Variants in WDR7 observed in about 807,000 individuals in gnomAD.
WDR7 encodes WD repeat domain 7.
In WDR7, 46 loss-of-function variants were observed where a neutral mutation model predicts 169.4. The ratio of observed to expected loss-of-function variants is 0.27; its 90% CI spans 0.21 to 0.35. The LOEUF (loss-of-function observed/expected upper bound fraction) is 0.35. Among genes scored for constraint, WDR7 ranks in the 10% least tolerant of loss-of-function variants. WDR7 has a pLI of 1.00. For synonymous variants in WDR7, 612 were observed against 666.8 expected, an observed-to-expected ratio of 0.92 and a Z score of 1.27; for missense variants, 1,534 against 1,859.3, an observed-to-expected ratio of 0.83 and a Z score of 3.22.
At chr18:56,852,619 G>C (rs1323554755) in intron 20 of WDR7, among the ~76,000 whole-genome samples, 1 of 152,032 alleles carries the variant, frequency 6.6e-6, no homozygotes, top group Non-Finnish European at 1.5e-5. Flanking sequence ...CATATTGTCA[G>C]AATACTCAAA....
intron 14 of WDR7, among the ~76,000 whole-genome samples, chr18:56,732,628 T>G (rs2026612160): frequency 6.6e-6 from 1 of 152,222 alleles, no homozygotes; most frequent in South Asian, 2.1e-4. Context: ...TCCCTCAAGA[T>G]ATAAATGTTT....
chr18:56,822,487 T>C (rs1010249699), intron 20 of WDR7, among the ~76,000 whole-genome samples: 2 of 152,238 alleles, frequency 1.3e-5, no homozygotes, highest in Non-Finnish European at 2.9e-5. Flanking sequence ...AAATTTACCC[T>C]GTTAAAGTAC....
At chr18:57,001,590 G>A (rs2047980225) in intron 26 of WDR7, among the ~76,000 whole-genome samples, 2 of 152,112 alleles carry the variant, frequency 1.3e-5, no homozygotes, top group Admixed American at 1.3e-4. Flanking sequence ...CTTGTTTTAA[G>A]TGCACAGTTT....
chr18:56,871,376 T>C (rs995659805), intron 20 of WDR7, among the ~76,000 whole-genome samples: 1 of 152,200 alleles, frequency 6.6e-6, no homozygotes, highest in African/African-American at 2.4e-5. Context: ...TCTCTACATG[T>C]TGCCATTTAG....
At position 56,714,439 on chromosome 18, in the gene WDR7, C is replaced by T. The variant is rs2026148062; in HGVS notation, c.1579-3525C>T. Among the ~76,000 whole-genome samples, 5 of 146,942 alleles carry T rather than the reference C, an allele frequency of 3.4e-5. No individual in the cohort carries two copies. The South Asian group carries it at 8.6e-4, about 25-fold the overall frequency. On this transcript the variant is annotated intron_variant, in intron 12 of 27. Transcript: ENST00000254442. Reference sequence around the variant, plus strand: ...GATGGTATATCATGTTTACTTTGGACGAAACTTTTTTTTTTTTTTTTTTGA... The same window carrying T: ...GATGGTATATCATGTTTACTTTGGATGAAACTTTTTTTTTTTTTTTTTTGA...
chr18:56,900,064 ATGTG>A (rs3045243), intron 21 of WDR7, among the ~76,000 whole-genome samples: 1,929 of 137,802 alleles, frequency 0.014, 15 homozygotes, highest in Middle Eastern at 0.037. Flanking sequence ...ACATATATAT[ATGTG>A]TGTGTGTGTG....
intron 26 of WDR7, chr18:57,010,186 T>C: frequency 1.0e-6 from 1 of 985,456 alleles, no homozygotes; most frequent in Non-Finnish European, 1.2e-6. Flanking sequence ...TCAAATAGTT[T>C]TCTATTAGAA....
At chr18:56,823,261 G>GTAGA (rs1290091156) in intron 20 of WDR7, among the ~76,000 whole-genome samples, 1 of 152,024 alleles carries the variant, frequency 6.6e-6, no homozygotes, top group Non-Finnish European at 1.5e-5. Flanking sequence ...TGAATGTCCT[G>GTAGA]TAGATACCTA....
intron 13 of WDR7, among the ~76,000 whole-genome samples, chr18:56,727,654 C>A (rs62101711): frequency 1.3e-5 from 2 of 152,050 alleles, no homozygotes; most frequent in East Asian, 1.9e-4. Flanking sequence ...CCTCGTCCCA[C>A]GCTTGACACA....
At chr18:56,762,897 ATT>A (rs34582934) in intron 16 of WDR7, among the ~76,000 whole-genome samples, 159 of 143,008 alleles carry the variant, frequency 1.1e-3, no homozygotes, top group Middle Eastern at 3.7e-3. Flanking sequence ...CTTAGTAAGA[ATT>A]TTTTTTTTTT....
At chr18:56,939,540 G>A in intron 25 of WDR7, 147 bp downstream of exon 25, 1 of 503,682 alleles carries the variant, frequency 2.0e-6, no homozygotes, top group Non-Finnish European at 3.3e-6. Flanking sequence ...AATATGGGCA[G>A]GTTACAGTTA....
chr18:56,691,270 C>G lies in WDR7; in HGVS notation c.772C>G (p.Gln258Glu). The G allele has an allele frequency of 6.2e-7, 1 of 1,609,590 alleles. No homozygotes were observed. Among genetic ancestry groups the G allele is most frequent in the Non-Finnish European group, 8.5e-7 (1 of 1,179,042 alleles). ...LLCSGPSENGQTWTGGDFVSS... is the reference protein window; with the variant it reads ...LLCSGPSENGETWTGGDFVSS... ...GTGTTCAGGTCCTAGTGAAAATGGA[C>G]AGACATGGACCGGGGGGGACTTTGT... The change falls in exon 8 of 28, where the codon CAG (glutamine) becomes GAG (glutamate). Residue 258 changes from glutamine to glutamate, a missense_variant. Coordinates refer to ENST00000254442, the MANE Select transcript of WDR7 (RefSeq NM_015285.3).
chr18:56,682,401 C>G (rs111955227), intron 4 of WDR7, among the ~76,000 whole-genome samples: 3 of 152,186 alleles, frequency 2.0e-5, no homozygotes, highest in African/African-American at 7.2e-5. Flanking sequence ...GGGATAAAAA[C>G]AATTATCACG....
At position 56,845,976 on chromosome 18, in the gene WDR7, G is replaced by A. The variant is rs116487146; in HGVS notation, c.3304+29832G>A. Among the ~76,000 whole-genome samples the A allele has an allele frequency of 1.0e-3, 155 of 152,132 alleles. 1 individual carries two copies. Among genetic ancestry groups the A allele is most frequent in the African/African-American group, 3.5e-3 (147 of 41,496 alleles). ...TGCCCTCAACACTTACGCATTTTTA[G>A]TGAACATTGCTTTTTATAAAAATAT... On this transcript the variant is annotated intron_variant, in intron 20 of 27. Transcript: ENST00000254442.
rs1184138075 is a variant in WDR7 at position 56,974,463 on chromosome 18, A to C, written c.4164+11934A>C. ...TGATCATAGTGCACTACAGCCCTGAACTCCTGGACTCAAGTGATCCTCCCA... is the reference window on the plus strand; with the variant it reads ...TGATCATAGTGCACTACAGCCCTGACCTCCTGGACTCAAGTGATCCTCCCA... On this transcript the variant is annotated intron_variant, in intron 26 of 27. Coordinates refer to ENST00000254442, the MANE Select transcript of WDR7 (RefSeq NM_015285.3). Among the ~76,000 whole-genome samples, 6 of 148,018 alleles carry C rather than the reference A, an allele frequency of 4.1e-5. No individual in the cohort carries two copies. The East Asian group carries it at 9.8e-4, about 24-fold the overall frequency.
chr18:57,021,266 G>T (rs1237503769), intron 27 of WDR7, among the ~76,000 whole-genome samples: 1 of 152,162 alleles, frequency 6.6e-6, no homozygotes, highest in African/African-American at 2.4e-5. Context: ...ACAGGTGCAT[G>T]AGTAGCCGTG....
chr18:56,777,633 T>C (rs1326772190), intron 17 of WDR7, among the ~76,000 whole-genome samples: 3 of 152,180 alleles, frequency 2.0e-5, no homozygotes, highest in Non-Finnish European at 4.4e-5. Context: ...AGTTACCACT[T>C]TGCATAACAT....
chr18:56,714,249 A>C (rs2026144103), intron 12 of WDR7, among the ~76,000 whole-genome samples: 1 of 152,056 alleles, frequency 6.6e-6, no homozygotes, highest in African/African-American at 2.4e-5. Flanking sequence ...AAAGCACAGA[A>C]CCATCTTTTC....
intron 14 of WDR7, among the ~76,000 whole-genome samples, chr18:56,756,090 A>G (rs1014244792): frequency 6.6e-6 from 1 of 152,138 alleles, no homozygotes; most frequent in East Asian, 1.9e-4. Flanking sequence ...ATCTAAGTAG[A>G]CTGTAATATG....
Sources: gnomAD v4.1 joint callset for allele counts (sites outside exome capture counted in the v4.1 genomes callset) on GRCh38, gnomAD v4.1.1 for gene constraint, MANE v1.5 for transcripts, NCBI Gene and HGNC (gene_info 2026-07-23, HGNC 2026-07-21) for gene names.